Variants in NT5M observed in about 807,000 individuals in gnomAD.
NT5M encodes the protein 5'(3')-deoxyribonucleotidase, mitochondrial.
A neutral mutation model predicts 22.2 loss-of-function variants in NT5M; 22 were observed. The observed-to-expected ratio is 0.99, with a 90% confidence interval of 0.71 to 1.41. The LOEUF (loss-of-function observed/expected upper bound fraction) is 1.41. NT5M is among the 40% of genes most tolerant of loss of function. The probability of loss-of-function intolerance (pLI) is 0.00; values close to 1 mark genes in which losing one functional copy is unlikely to be tolerated. For missense variants in NT5M, 322 were observed against 314.8 expected (o/e 1.02, Z -0.17); for synonymous variants, 167 against 133.0 (o/e 1.26, Z -1.76).
chr17:17,338,672 TA>T (rs66485440), intron 3 of NT5M, among the ~76,000 whole-genome samples: 28,892 of 131,850 alleles, frequency 0.22, 4,216 homozygotes, highest in African/African-American at 0.35. Flanking sequence ...ATGTAAATGT[TA>T]AGGGTTTTTT....
rs989072726 is a variant in NT5M, at chr17:17,303,770, G to C, written c.220G>C (p.Gly74Arg). The change falls in exon 1 of 5, where the codon GGC (glycine) becomes CGC (arginine). Residue 74 changes from glycine (G) to arginine (R), a missense_variant. Gly to Arg is a moderately radical substitution (Grantham distance 125). Transcript: ENST00000389022. ...QPFIALEDRRGFWVSEQYGRL... is the reference protein window; with the variant it reads ...QPFIALEDRRRFWVSEQYGRL... The stretch of plus-strand genomic sequence containing the variant: ...CTTCATCGCGCTGGAGGACCGGCGC[G>C]GCTTCTGGGTGTCGGAGCAGTACGG... 1.2e-5 allele frequency: 19 copies of C among 1,582,010 alleles called. No homozygotes were observed. Among genetic ancestry groups the C allele is most frequent in the Non-Finnish European group, 1.5e-5 (18 of 1,165,786 alleles).
chr17:17,303,871 G>T, intron 1 of NT5M, 54 bp downstream of exon 1: 1 of 1,328,228 alleles, frequency 7.5e-7, no homozygotes, highest in South Asian at 1.9e-5. Flanking sequence ...CCGAGCCCCA[G>T]ACACCGCCCC....
chr17:17,332,998 C>G (rs775927476), intron 3 of NT5M, among the ~76,000 whole-genome samples: 1 of 152,162 alleles, frequency 6.6e-6, no homozygotes, highest in African/African-American at 2.4e-5. Flanking sequence ...CCCTCTTGCT[C>G]CCTATCCTTG....
intron 1 of NT5M, among the ~76,000 whole-genome samples, chr17:17,305,413 C>CCT (rs1567877233): frequency 3.2e-5 from 4 of 124,976 alleles, no homozygotes; most frequent in Non-Finnish European, 5.3e-5. Flanking sequence ...CCCCCGCCCC[C>CCT]ACACACGTGG....
In NT5M at chr17:17,331,541, A is replaced by G. The variant is rs537256495; in HGVS notation, c.429+8296A>G. 7.3e-5 allele frequency among the ~76,000 whole-genome samples: 11 copies of G among 151,700 alleles called. 1 individual carries two copies. Among genetic ancestry groups the G allele is most frequent in the Admixed American group, 2.0e-4 (3 of 15,260 alleles). On this transcript the variant is annotated intron_variant, in intron 3 of 4. Coordinates refer to ENST00000389022, the MANE Select transcript of NT5M (RefSeq NM_020201.4). ...TCACTCCTTCTAGTTAGATCTGGCC[A>G]TTTCATCATTGTAATAGGGATTGTA...
At chr17:17,344,976 AG>A (rs767800486) in intron 4 of NT5M, 68 bp downstream of exon 4, 5 of 1,601,942 alleles carry the variant, frequency 3.1e-6, no homozygotes, top group Non-Finnish European at 4.3e-6. Context: ...TCTCCTGGGC[AG>A]TGAGCACTCA....
At chr17:17,332,955 GTC>G (rs1203899917) in intron 3 of NT5M, among the ~76,000 whole-genome samples, 1 of 151,978 alleles carries the variant, frequency 6.6e-6, no homozygotes, top group African/African-American at 2.4e-5. Context: ...AAAAAATAAA[GTC>G]TCTTAAAAAA....
intron 2 of NT5M, among the ~76,000 whole-genome samples, chr17:17,321,841 C>T (rs2049157825): frequency 6.6e-6 from 1 of 151,824 alleles, no homozygotes; most frequent in Non-Finnish European, 1.5e-5. Flanking sequence ...AGGGTGTCTC[C>T]ACGAGGCTGA....
At chr17:17,336,695 CAT>C in intron 3 of NT5M, among the ~76,000 whole-genome samples, 1 of 152,050 alleles carries the variant, frequency 6.6e-6, no homozygotes, top group African/African-American at 2.4e-5. Context: ...GGACTACAGG[CAT>C]GCACCACCAC....
chr17:17,323,175 T>A lies in NT5M; in HGVS notation c.369-10T>A. ...GGCTGCAGGCTCAACCTCCTTTCTC[T>A]TGTTGACAGCACTGACGTCTTCATC... is the stretch of plus-strand genomic sequence containing the variant. On this transcript the variant is annotated splice_polypyrimidine_tract_variant and intron_variant, in intron 2 of 4. Coordinates refer to ENST00000389022, the MANE Select transcript of NT5M (RefSeq NM_020201.4). The A allele has an allele frequency of 6.2e-7, 1 of 1,613,450 alleles. No homozygotes were observed. The highest frequency in any genetic ancestry group is 2.2e-5 in the East Asian group (1 of 44,870).
chr17:17,342,168 G>C (rs1226442229), intron 3 of NT5M, among the ~76,000 whole-genome samples: 1 of 152,178 alleles, frequency 6.6e-6, no homozygotes, highest in South Asian at 2.1e-4. Flanking sequence ...CACAGATCAT[G>C]AAAAAATATT....
chr17:17,337,006 A>G (rs1435986626), intron 3 of NT5M, among the ~76,000 whole-genome samples: 3 of 152,056 alleles, frequency 2.0e-5, no homozygotes, highest in African/African-American at 4.8e-5. Context: ...TTTTAGGGGT[A>G]TATACCTAGG....
At chr17:17,342,032 A>C (rs1427656983) in intron 3 of NT5M, among the ~76,000 whole-genome samples, 2 of 151,920 alleles carry the variant, frequency 1.3e-5, no homozygotes, top group African/African-American at 4.9e-5. Context: ...CTGTCTCAAA[A>C]AAAAGAAAAA....
rs1173004367 is a variant in NT5M at position 17,315,744 on chromosome 17, G to GTTTTTTTTTTTTTTTTTTTTTTTTT, written c.369-7434_369-7433insTTTTTTTTTTTTTTTTTTTTTTTTT. Among the ~76,000 whole-genome samples, 2 of 67,714 alleles carry GTTTTTTTTTTTTTTTTTTTTTTTTT rather than the reference G, an allele frequency of 3.0e-5. 1 individual carries two copies. The highest frequency in any genetic ancestry group is 5.4e-5 in the Non-Finnish European group (2 of 37,274). The allele number at this position is 67,714 out of a possible 152,430, so 44.4% of individuals were successfully genotyped here. On this transcript the variant is annotated intron_variant, in intron 2 of 4. Coordinates refer to ENST00000389022, the MANE Select transcript of NT5M (RefSeq NM_020201.4). Reference sequence around the variant, plus strand: ...AGAGATTGATGTGATCTAACTTAGGGTTTTTTTGTTTTTTTTTTTTTTTTT... The same window carrying GTTTTTTTTTTTTTTTTTTTTTTTTT: ...AGAGATTGATGTGATCTAACTTAGGGTTTTTTTTTTTTTTTTTTTTTTTTTTTTTTTTGTTTTTTTTTTTTTTTTT...
At chr17:17,322,766 C>T (rs902936260) in intron 2 of NT5M, among the ~76,000 whole-genome samples, 8 of 152,162 alleles carry the variant, frequency 5.3e-5, no homozygotes, top group African/African-American at 1.4e-4. Context: ...GCGCTCCTCA[C>T]GCGGAGCCAA....
chr17:17,344,736 G>T, intron 3 of NT5M, 58 bp from the exon 4 acceptor site: 1 of 1,589,722 alleles, frequency 6.3e-7, no homozygotes, highest in Non-Finnish European at 8.6e-7. Flanking sequence ...CTCTTGGTTG[G>T]CTCCCAGGTC....
rs1340102903 is a variant in NT5M, at chr17:17,303,743, C to G, written c.193C>G (p.Pro65Ala). ...RKFRARFPDQ[P>A]FIALEDRRGF... The stretch of plus-strand genomic sequence containing the variant: ...GTTCCGCGCGCGCTTTCCCGACCAG[C>G]CCTTCATCGCGCTGGAGGACCGGCG... The change falls in exon 1 of 5, where the codon CCC (proline) becomes GCC (alanine). Residue 65 changes from proline to alanine, a missense_variant. Pro to Ala is a conservative substitution (Grantham distance 27, BLOSUM62 -1). Transcript: ENST00000389022. 3.8e-6 allele frequency: 6 copies of G among 1,590,204 alleles called. No homozygotes were observed. The African/African-American group carries it at 8.3e-5, about 22-fold the overall frequency.
Position 17,346,806 on chromosome 17 carries a change from G to T in NT5M, c.546G>T (p.Gly182=). ...TGAATGCCGCTTTCCCACCCACAGG[G>T]GCCGAGCCAACCCCCAGCTGGGAGC... ...LLIDDRPDIT[G]AEPTPSWEHV... is the part of the protein sequence containing the mutation. The change falls in exon 5 of 5, where the codon GGG becomes GGT. Residue 182 remains glycine, a splice_region_variant and synonymous_variant. Coordinates refer to ENST00000389022, the MANE Select transcript of NT5M (RefSeq NM_020201.4). 1.2e-6 allele frequency: 2 copies of T among 1,606,950 alleles called. No individual in the cohort carries two copies. Among genetic ancestry groups the T allele is most frequent in the Non-Finnish European group, 8.5e-7 (1 of 1,179,920 alleles).
At chr17:17,346,574 G>A (rs1397972698) in intron 4 of NT5M, among the ~76,000 whole-genome samples, 2 of 152,234 alleles carry the variant, frequency 1.3e-5, no homozygotes, top group South Asian at 2.1e-4. Flanking sequence ...ACAGTGACCC[G>A]CAGTCAGTCC....
Sources: allele counts gnomAD v4.1 joint callset (sites outside exome capture counted in the v4.1 genomes callset), GRCh38; gene constraint gnomAD v4.1.1; transcripts MANE v1.5; gene names NCBI Gene and HGNC (gene_info 2026-07-23, HGNC 2026-07-21).